FSTL5: variants seen among roughly 807,000 people sequenced by gnomAD.
FSTL5 encodes the protein follistatin like 5.
A neutral mutation model predicts 89.1 loss-of-function variants in FSTL5; 62 were observed. The ratio of observed to expected loss-of-function variants is 0.70; its 90% confidence interval spans 0.57 to 0.86. The LOEUF (loss-of-function observed/expected upper bound fraction) is 0.86. FSTL5 is among the 40% of genes least tolerant of loss of function. The pLI, the probability that FSTL5 is intolerant of heterozygous loss-of-function variation, is 0.00. For synonymous variants in FSTL5, 383 were observed against 346.2 expected (o/e 1.11, Z -1.18); for missense variants, 1,057 against 1,001.6 (o/e 1.06, Z -0.75).
rs750170615 is a variant in FSTL5 at position 161,432,334 on chromosome 4, GAAC to G, written c.1841+22667_1841+22669del. Among the ~76,000 whole-genome samples, 81 of 152,012 alleles carry G rather than the reference GAAC, an allele frequency of 5.3e-4. No homozygotes were observed. The Middle Eastern group carries it at 0.01, about 19-fold the overall frequency. On this transcript the variant is annotated intron_variant, in intron 15 of 15. Coordinates refer to ENST00000306100, the MANE Select transcript of FSTL5 (RefSeq NM_020116.5). Reference sequence around the variant, plus strand: ...AAAACTAAACAAACACATAAAAATTGAACAATATGCTCCTGAATGAGCAGCGAG... The same window carrying G: ...AAAACTAAACAAACACATAAAAATTGAATATGCTCCTGAATGAGCAGCGAG...
chr4:161,842,708 G>C (rs1210806798), intron 4 of FSTL5, among the ~76,000 whole-genome samples: 1 of 151,870 alleles, frequency 6.6e-6, no homozygotes, highest in Non-Finnish European at 1.5e-5. Flanking sequence ...AATATAAGTG[G>C]CTTCTTAATA....
chr4:161,830,061 T>C (rs922235868), intron 4 of FSTL5, among the ~76,000 whole-genome samples: 13 of 152,040 alleles, frequency 8.6e-5, no homozygotes, highest in African/African-American at 2.9e-4. Context: ...AACAAAAAAA[T>C]ATGGACTTCC....
chr4:161,591,440 C>T (rs1319755864), intron 7 of FSTL5, among the ~76,000 whole-genome samples: 49 of 151,936 alleles, frequency 3.2e-4, no homozygotes, highest in Admixed American at 3.0e-3. Flanking sequence ...TTGCACACTT[C>T]GAATGGATTA....
intron 4 of FSTL5, among the ~76,000 whole-genome samples, chr4:161,887,538 A>G (rs535750654): frequency 1.3e-5 from 2 of 151,952 alleles, no homozygotes; most frequent in African/African-American, 4.8e-5. Context: ...TAAATTTTCA[A>G]TGTTTCTCAG....
chr4:162,039,085 A>G (rs754436486), intron 2 of FSTL5, among the ~76,000 whole-genome samples: 4 of 151,880 alleles, frequency 2.6e-5, no homozygotes, highest in Non-Finnish European at 5.9e-5. Flanking sequence ...TTCCTTTCAC[A>G]TGGAGAGACA....
chr4:161,402,946 C>T (rs975349548), intron 15 of FSTL5, among the ~76,000 whole-genome samples: 1 of 151,892 alleles, frequency 6.6e-6, no homozygotes, highest in South Asian at 2.1e-4. Flanking sequence ...CTCAGCCGCC[C>T]GAGTAGCGGG....
chr4:161,601,905 CATTTCAACTAAA>C (rs1434195194), intron 7 of FSTL5, among the ~76,000 whole-genome samples: 3 of 151,908 alleles, frequency 2.0e-5, no homozygotes, highest in East Asian at 3.9e-4. Flanking sequence ...AGAATATGTA[CATTTCAACTAAA>C]AATTATGAGA....
At chr4:161,711,192 A>G (rs890391431) in intron 6 of FSTL5, among the ~76,000 whole-genome samples, 1 of 152,104 alleles carries the variant, frequency 6.6e-6, no homozygotes, top group Admixed American at 6.5e-5. Context: ...TATAAATAAT[A>G]TAGCTGTGGA....
intron 8 of FSTL5, among the ~76,000 whole-genome samples, chr4:161,581,699 A>C (rs1733444391): frequency 6.6e-6 from 1 of 152,246 alleles, no homozygotes; most frequent in Non-Finnish European, 1.5e-5. Context: ...TGTTTTATAT[A>C]GACATCTGGT....
chr4:161,940,719 G>A (rs1044470807), intron 3 of FSTL5, among the ~76,000 whole-genome samples: 5 of 151,784 alleles, frequency 3.3e-5, no homozygotes, highest in Non-Finnish European at 5.9e-5. Flanking sequence ...TAAAGGCTGT[G>A]TAAGTTTGAT....
chr4:161,695,108 A>C (rs999015400), intron 6 of FSTL5, among the ~76,000 whole-genome samples: 1 of 151,544 alleles, frequency 6.6e-6, no homozygotes, highest in Non-Finnish European at 1.5e-5. Context: ...GTTTGGTTAC[A>C]TGAGTAAGTT....
At chr4:161,894,210 T>C (rs1440798028) in intron 4 of FSTL5, among the ~76,000 whole-genome samples, 3 of 152,168 alleles carry the variant, frequency 2.0e-5, no homozygotes, top group Non-Finnish European at 4.4e-5. Context: ...CACAGGTTAA[T>C]ATCAGGCCTC....
At chr4:161,719,279 C>G (rs1455850819) in intron 6 of FSTL5, among the ~76,000 whole-genome samples, 2 of 152,078 alleles carry the variant, frequency 1.3e-5, no homozygotes, top group Non-Finnish European at 2.9e-5. Context: ...TCTGAGATCT[C>G]TATTTTATTT....
intron 15 of FSTL5, among the ~76,000 whole-genome samples, chr4:161,410,764 T>C (rs751478392): frequency 6.6e-6 from 1 of 151,812 alleles, no homozygotes; most frequent in Non-Finnish European, 1.5e-5. Flanking sequence ...ATATCTTCAT[T>C]AAGAAGTTAG....
chr4:162,151,812 A>C (rs1733236354), intron 1 of FSTL5, among the ~76,000 whole-genome samples: 1 of 152,326 alleles, frequency 6.6e-6, no homozygotes, highest in Admixed American at 6.5e-5. Context: ...AACTTCAAAA[A>C]GTTATTTTGC....
At chr4:162,127,591 G>C (rs1007044090) in intron 1 of FSTL5, among the ~76,000 whole-genome samples, 3 of 152,054 alleles carry the variant, frequency 2.0e-5, no homozygotes, top group African/African-American at 4.8e-5. Context: ...TTAGATGATA[G>C]GATTTTCATA....
chr4:161,641,736 C>T (rs192221276), intron 7 of FSTL5, among the ~76,000 whole-genome samples: 3 of 152,100 alleles, frequency 2.0e-5, no homozygotes, highest in African/African-American at 4.8e-5. Context: ...GTTATCTGCC[C>T]GCCTTGGCCT....
intron 15 of FSTL5, among the ~76,000 whole-genome samples, chr4:161,421,285 G>A (rs1327802250): frequency 1.3e-5 from 2 of 150,884 alleles, no homozygotes; most frequent in Non-Finnish European, 2.9e-5. Flanking sequence ...AGCTTGCAGT[G>A]AGCCAAGATC....
At chr4:162,048,352 A>T (rs541537410) in intron 2 of FSTL5, among the ~76,000 whole-genome samples, 8 of 152,170 alleles carry the variant, frequency 5.3e-5, no homozygotes, top group African/African-American at 1.9e-4. Flanking sequence ...AAACAAACAA[A>T]CAAAAAAACA....
Sources: allele counts gnomAD v4.1 joint callset (sites outside exome capture counted in the v4.1 genomes callset), GRCh38; gene constraint gnomAD v4.1.1; transcripts MANE v1.5; gene names NCBI Gene and HGNC (gene_info 2026-07-23, HGNC 2026-07-21).